PDE11A: variants seen among roughly 807,000 people sequenced by gnomAD.
The protein encoded by PDE11A is dual 3',5'-cyclic-AMP and -GMP phosphodiesterase 11A.
In PDE11A, 100 loss-of-function variants were observed where a neutral mutation model predicts 100.5. The ratio of observed to expected loss-of-function variants is 1.00; its 90% CI spans 0.85 to 1.18. PDE11A has a LOEUF of 1.18. PDE11A is among the 50% of genes most tolerant of loss of function. PDE11A has a pLI of 0.00. For synonymous variants in PDE11A, 381 were observed against 420.8 expected, an observed-to-expected ratio of 0.91 and a Z score of 1.16; for missense variants, 1,141 against 1,152.6, an observed-to-expected ratio of 0.99 and a Z score of 0.15.
intron 1 of PDE11A, among the ~76,000 whole-genome samples, chr2:178,106,708 C>T (rs1161187547): frequency 6.6e-6 from 1 of 151,842 alleles, no homozygotes; most frequent in Non-Finnish European, 1.5e-5. Context: ...ACCTGTAATC[C>T]CAGCACTTTG....
At chr2:177,864,220 T>C (rs916675631) in intron 5 of PDE11A, among the ~76,000 whole-genome samples, 2 of 151,980 alleles carry the variant, frequency 1.3e-5, no homozygotes, top group African/African-American at 2.4e-5. Context: ...AATAGGGAGA[T>C]GTAGGTCGGA....
At chr2:178,013,651 T>C (rs1229857587) in intron 2 of PDE11A, among the ~76,000 whole-genome samples, 5 of 152,192 alleles carry the variant, frequency 3.3e-5, no homozygotes, top group Admixed American at 2.6e-4. Flanking sequence ...TCAACCAGAT[T>C]TTATTCAATA....
chr2:177,839,496 A>G (rs1441416099), intron 6 of PDE11A, among the ~76,000 whole-genome samples: 2 of 152,138 alleles, frequency 1.3e-5, no homozygotes, highest in South Asian at 2.1e-4. Context: ...ATGCCTTTCA[A>G]AGTTTTTTGG....
intron 10 of PDE11A, among the ~76,000 whole-genome samples, chr2:177,736,125 C>G (rs1376498057): frequency 6.6e-6 from 1 of 152,046 alleles, no homozygotes; most frequent in African/African-American, 2.4e-5. Context: ...GGTTCTGGGT[C>G]TAATGGGTCT....
At chr2:177,641,464 T>G (rs1247682944) in intron 19 of PDE11A, among the ~76,000 whole-genome samples, 2 of 149,860 alleles carry the variant, frequency 1.3e-5, no homozygotes, top group Non-Finnish European at 3.0e-5. Flanking sequence ...ATGGTGCGTT[T>G]GGCAGGAGAG....
intron 10 of PDE11A, among the ~76,000 whole-genome samples, chr2:177,738,298 G>A (rs2081823066): frequency 6.6e-6 from 1 of 152,126 alleles, no homozygotes; most frequent in African/African-American, 2.4e-5. Context: ...TCCTTGCAGG[G>A]TGGATGTGTG....
In PDE11A at chr2:177,918,874, T is replaced by C. The variant is rs74938445; in HGVS notation, c.1072-13687A>G. Among the ~76,000 whole-genome samples, 234 of 152,268 alleles carry C rather than the reference T, an allele frequency of 1.5e-3. 2 individuals carry two copies. The highest frequency in any genetic ancestry group is 2.8e-3 in the Non-Finnish European group (191 of 68,018). On this transcript the variant is annotated intron_variant, in intron 2 of 19. Transcript: ENST00000286063. The stretch of plus-strand genomic sequence containing the variant: ...TTCTCAGAAAAGGGGCTAGTCCAAA[T>C]GGCTTCATAGGCAAATTCTTTCAAA...
At chr2:177,921,506 G>A (rs1445219465) in intron 2 of PDE11A, among the ~76,000 whole-genome samples, 2 of 150,568 alleles carry the variant, frequency 1.3e-5, no homozygotes, top group African/African-American at 4.9e-5. Context: ...TGTTTATCAT[G>A]GCATATGCTG....
At chr2:177,971,514 C>A (rs1352594751) in intron 2 of PDE11A, among the ~76,000 whole-genome samples, 2 of 152,166 alleles carry the variant, frequency 1.3e-5, no homozygotes, top group African/African-American at 4.8e-5. Flanking sequence ...CATCCTGCTA[C>A]CTTAGCTGAC....
At chr2:177,701,350 T>G (rs1360959281) in intron 13 of PDE11A, 139 bp from the exon 14 acceptor site, 1 of 684,588 alleles carries the variant, frequency 1.5e-6, no homozygotes, top group Middle Eastern at 3.8e-4. Flanking sequence ...TTGTAGTCCA[T>G]TCATCTATGA....
intron 4 of PDE11A, among the ~76,000 whole-genome samples, chr2:177,883,589 C>T (rs574443435): frequency 1.4e-4 from 21 of 152,252 alleles, no homozygotes; most frequent in Admixed American, 1.2e-3. Flanking sequence ...CAAGCAGGAA[C>T]GCTCTAGGCT....
chr2:177,973,111 G>T (rs528506008), intron 2 of PDE11A, among the ~76,000 whole-genome samples: 1 of 151,638 alleles, frequency 6.6e-6, no homozygotes, highest in Non-Finnish European at 1.5e-5. Context: ...GAACAGCTCC[G>T]GTCTACAGCT....
At chr2:178,089,309 C>T (rs1440246170) in intron 2 of PDE11A, among the ~76,000 whole-genome samples, 1 of 152,132 alleles carries the variant, frequency 6.6e-6, no homozygotes, top group South Asian at 2.1e-4. Context: ...AAAGATGTTA[C>T]TGAAGAAGAG....
Position 177,727,724 on chromosome 2 carries a change from C to A in PDE11A, c.1977G>T (p.Arg659=), listed in dbSNP as rs77341035. Residue 659 remains arginine, a synonymous_variant, in exon 12 of 20, where the codon CGG becomes CGT. Coordinates refer to ENST00000286063, the MANE Select transcript of PDE11A (RefSeq NM_016953.4). ...RWLLTVRKNY[R]MVLYHNWRHA... ...GTCTCCAGTTGTGGTATAGAACCAT[C>A]CGATAGTTTTTCCTCACTGTCAAAA... 2,596 of 1,612,118 alleles carry A rather than the reference C, an allele frequency of 1.6e-3. 46 individuals carry two copies. In the African/African-American group the frequency reaches 0.029, roughly 18 times the overall value.
At chr2:177,795,625 T>G (rs1246166672) in intron 9 of PDE11A, among the ~76,000 whole-genome samples, 1 of 152,088 alleles carries the variant, frequency 6.6e-6, no homozygotes, top group Non-Finnish European at 1.5e-5. Context: ...CTCTTTCCAC[T>G]GGGCAGGGAA....
intron 10 of PDE11A, among the ~76,000 whole-genome samples, chr2:177,754,349 G>A (rs2082063385): frequency 6.6e-6 from 1 of 152,106 alleles, no homozygotes; most frequent in South Asian, 2.1e-4. Flanking sequence ...CAAAAAAAAT[G>A]CAAAAACAAA....
chr2:177,853,700 GTGTGTGTGTGTGTT>G (rs2083768405), intron 5 of PDE11A, among the ~76,000 whole-genome samples: 6 of 36,056 alleles, frequency 1.7e-4, no homozygotes, highest in Non-Finnish European at 2.4e-4. Flanking sequence ...GTGTGTGTGT[GTGTGTGTGTGTGTT>G]TGTGTGTGTG....
At chr2:177,904,271 A>G (rs2084743395) in intron 3 of PDE11A, among the ~76,000 whole-genome samples, 1 of 152,134 alleles carries the variant, frequency 6.6e-6, no homozygotes, top group Non-Finnish European at 1.5e-5. Context: ...GAGCTCTCTA[A>G]GTGTTTCTTT....
intron 13 of PDE11A, among the ~76,000 whole-genome samples, chr2:177,710,484 C>G (rs551501516): frequency 2.6e-4 from 39 of 152,098 alleles, no homozygotes; most frequent in Non-Finnish European, 5.1e-4. Flanking sequence ...GTTCTAGCGT[C>G]CAGCCAAGTG....
Sources: gnomAD v4.1 joint callset for allele counts (sites outside exome capture counted in the v4.1 genomes callset) on GRCh38, gnomAD v4.1.1 for gene constraint, MANE v1.5 for transcripts, NCBI Gene and HGNC (gene_info 2026-07-23, HGNC 2026-07-21) for gene names.